The following IQGAP2 variants were observed in gnomAD, a reference collection of about 807,000 sequenced individuals.
The protein encoded by IQGAP2 is ras GTPase-activating-like protein IQGAP2.
IQGAP2 carries 173 observed loss-of-function variants against 201.3 expected under a neutral mutation model. The observed-to-expected ratio is 0.86, with a 90% CI of 0.76 to 0.98. IQGAP2 has a LOEUF of 0.98. Ranked by LOEUF, IQGAP2 falls within the 50% of genes least tolerant of loss-of-function variation. The probability of loss-of-function intolerance (pLI) is 0.00; values close to 1 mark genes in which losing one functional copy is unlikely to be tolerated. For synonymous variants in IQGAP2, 675 were observed against 673.9 expected (o/e 1.00, Z -0.03); for missense variants, 1,687 against 1,864.8 (o/e 0.90, Z 1.76).
In IQGAP2 at chr5:76,627,291, A is replaced by G. The variant is rs998072438; in HGVS notation, c.1522-119A>G. Reference sequence around the variant, plus strand: ...TGTGTACAGTATATGGCAGAGCTGGATAGTTGCTGATTAAGAATTTGTGGG... The same window carrying G: ...TGTGTACAGTATATGGCAGAGCTGGGTAGTTGCTGATTAAGAATTTGTGGG... On this transcript the variant is annotated intron_variant, in intron 13 of 35. Coordinates refer to ENST00000274364, the MANE Select transcript of IQGAP2 (RefSeq NM_006633.5). 6.6e-6 allele frequency: 5 copies of G among 752,874 alleles called. No homozygotes were observed. In the African/African-American group the frequency reaches 8.7e-5, roughly 13 times the overall value. The allele number at this position is 752,874 out of a possible 1,614,324, so 46.6% of individuals were successfully genotyped here.
chr5:76,698,546 C>A (rs1746968415), intron 33 of IQGAP2, among the ~76,000 whole-genome samples: 1 of 152,098 alleles, frequency 6.6e-6, no homozygotes, highest in Non-Finnish European at 1.5e-5. Context: ...GCTAATTGCA[C>A]AGAGCAGCTG....
At chr5:76,424,449 A>G (rs1751889960) in intron 1 of IQGAP2, among the ~76,000 whole-genome samples, 3 of 152,154 alleles carry the variant, frequency 2.0e-5, no homozygotes, top group Admixed American at 1.3e-4. Context: ...CTGGGATTAC[A>G]GGCATGTGCC....
rs745837501 is a variant in IQGAP2, at chr5:76,640,922, T to C, written c.1924-11T>C. ...GTGTGAAGTGTAACCATAAGAAATA[T>C]CTCTTGCCAGGACATTATTGAGGAA... On this transcript the variant is annotated splice_polypyrimidine_tract_variant and intron_variant, in intron 16 of 35. Transcript: ENST00000274364. 1.3e-6 allele frequency: 2 copies of C among 1,564,604 alleles called. No individual in the cohort carries two copies. The highest frequency in any genetic ancestry group is 2.3e-5 in the South Asian group (2 of 86,572).
At chr5:76,639,668 C>T (rs1305796651) in intron 16 of IQGAP2, among the ~76,000 whole-genome samples, 1 of 152,114 alleles carries the variant, frequency 6.6e-6, no homozygotes, top group African/African-American at 2.4e-5. Flanking sequence ...TCAAAGATAT[C>T]GCAGTGTGGC....
intron 2 of IQGAP2, among the ~76,000 whole-genome samples, chr5:76,468,586 G>A (rs1002775144): frequency 1.3e-5 from 2 of 152,058 alleles, no homozygotes; most frequent in Non-Finnish European, 2.9e-5. Flanking sequence ...TCCTTAACTG[G>A]TTTCTTCATG....
intron 15 of IQGAP2, among the ~76,000 whole-genome samples, chr5:76,632,976 TTGAG>T (rs2150387121): frequency 6.6e-6 from 1 of 152,322 alleles, no homozygotes; most frequent in African/African-American, 2.4e-5. Flanking sequence ...CTGGTCACCC[TTGAG>T]TCCCTCTCTG....
At chr5:76,444,286 T>A (rs930150573) in intron 1 of IQGAP2, among the ~76,000 whole-genome samples, 6 of 151,896 alleles carry the variant, frequency 4.0e-5, no homozygotes, top group Non-Finnish European at 2.9e-5. Context: ...TAAATACAAG[T>A]GTTTTTTTGT....
intron 2 of IQGAP2, among the ~76,000 whole-genome samples, chr5:76,467,836 C>T (rs1257089347): frequency 6.6e-6 from 1 of 151,864 alleles, no homozygotes; most frequent in African/African-American, 2.4e-5. Flanking sequence ...CATGGATGAA[C>T]CTTAAAAACA....
chr5:76,525,975 A>C (rs1758950754), intron 2 of IQGAP2, among the ~76,000 whole-genome samples: 1 of 152,244 alleles, frequency 6.6e-6, no homozygotes, highest in Admixed American at 6.5e-5. Flanking sequence ...TCATAATTGA[A>C]GGAAAATGCT....
At chr5:76,600,995 T>C in intron 11 of IQGAP2, 23 bp downstream of exon 11, 1 of 1,603,058 alleles carries the variant, frequency 6.2e-7, no homozygotes, top group East Asian at 2.2e-5. Context: ...TTCCAAACCT[T>C]CTTTCAATGC....
At chr5:76,569,100 C>T (rs1355393666) in intron 3 of IQGAP2, among the ~76,000 whole-genome samples, 2 of 152,176 alleles carry the variant, frequency 1.3e-5, no homozygotes, top group Non-Finnish European at 2.9e-5. Flanking sequence ...ACTCTCCCTT[C>T]CTCTATCTAG....
At chr5:76,570,759 A>G (rs1001504016) in intron 4 of IQGAP2, 102 bp downstream of exon 4, 3 of 777,370 alleles carry the variant, frequency 3.9e-6, no homozygotes, top group Non-Finnish European at 6.6e-6. Context: ...ATGTTAATGT[A>G]GAAATGAGAA....
chr5:76,546,099 C>T (rs754386588), intron 2 of IQGAP2, among the ~76,000 whole-genome samples: 1 of 152,196 alleles, frequency 6.6e-6, no homozygotes, highest in Non-Finnish European at 1.5e-5. Flanking sequence ...TTACCTCTTG[C>T]TTTATTTCCA....
At chr5:76,699,155 T>C (rs1197394271) in intron 33 of IQGAP2, among the ~76,000 whole-genome samples, 1 of 152,170 alleles carries the variant, frequency 6.6e-6, no homozygotes, top group African/African-American at 2.4e-5. Flanking sequence ...GAAACCACCA[T>C]TCTATTCTGC....
At chr5:76,514,556 C>T (rs1306614852) in intron 2 of IQGAP2, among the ~76,000 whole-genome samples, 2 of 152,136 alleles carry the variant, frequency 1.3e-5, no homozygotes, top group African/African-American at 4.8e-5. Flanking sequence ...TCTATCATTC[C>T]CCTGGGGAAA....
chr5:76,525,689 A>C (rs959097941), intron 2 of IQGAP2, among the ~76,000 whole-genome samples: 1 of 152,218 alleles, frequency 6.6e-6, no homozygotes, highest in African/African-American at 2.4e-5. Flanking sequence ...TTAAATGCAT[A>C]AAATAAGCTG....
chr5:76,617,912 G>A, intron 13 of IQGAP2: 1 of 1,614,116 alleles, frequency 6.2e-7, no homozygotes, highest in East Asian at 2.2e-5. Flanking sequence ...AGAATGCCAA[G>A]GAGATGAAGT....
At chr5:76,538,370 G>A (rs1759748318) in intron 2 of IQGAP2, among the ~76,000 whole-genome samples, 1 of 152,000 alleles carries the variant, frequency 6.6e-6, no homozygotes, top group Non-Finnish European at 1.5e-5. Flanking sequence ...GGGGGGTAAG[G>A]TTTAAGTGCA....
chr5:76,637,199 A>G (rs932792840), intron 16 of IQGAP2, 23 bp downstream of exon 16: 1 of 1,576,294 alleles, frequency 6.3e-7, no homozygotes, highest in Middle Eastern at 1.7e-4. Flanking sequence ...TGTTTGATGG[A>G]TAACTCTACT....
Sources: allele counts gnomAD v4.1 joint callset (sites outside exome capture counted in the v4.1 genomes callset), GRCh38; gene constraint gnomAD v4.1.1; transcripts MANE v1.5; gene names NCBI Gene and HGNC (gene_info 2026-07-23, HGNC 2026-07-21).